The following NCKAP5 variants were observed in gnomAD, a reference collection of about 807,000 sequenced individuals.
NCKAP5 encodes NCK associated protein 5.
In NCKAP5, 92 loss-of-function variants were observed where a neutral mutation model predicts 167.0. The observed-to-expected ratio is 0.55, with a 90% CI of 0.47 to 0.66. The LOEUF (loss-of-function observed/expected upper bound fraction) is 0.66, where lower values mean the gene tolerates loss of function less well. Ranked by LOEUF, NCKAP5 falls within the 30% of genes least tolerant of loss-of-function variation. NCKAP5 has a pLI of 0.00. For missense variants in NCKAP5, 2,378 were observed against 2,315.0 expected (o/e 1.03, Z -0.56); for synonymous variants, 891 against 877.4 (o/e 1.02, Z -0.27).
intron 4 of NCKAP5, among the ~76,000 whole-genome samples, chr2:133,262,651 A>G (rs1002675046): frequency 1.3e-5 from 2 of 152,228 alleles, no homozygotes; most frequent in South Asian, 4.1e-4. Flanking sequence ...TCGGGGCAAC[A>G]GCCTTCAGGA....
chr2:133,593,373 A>T, the NCKAP5 span, among the ~76,000 whole-genome samples: 11 of 146,794 alleles, frequency 7.5e-5, no homozygotes, highest in South Asian at 2.2e-4. Context: ...TGACAAAATT[A>T]AAAAAAAAAA....
intron 3 of NCKAP5, among the ~76,000 whole-genome samples, chr2:133,422,258 G>T (rs1172733800): frequency 6.6e-6 from 1 of 152,238 alleles, no homozygotes; most frequent in Non-Finnish European, 1.5e-5. Flanking sequence ...CTTACTCCCA[G>T]CACAGGTTGC....
At chr2:132,844,392 C>T (rs557640366) in intron 11 of NCKAP5, among the ~76,000 whole-genome samples, 2 of 152,174 alleles carry the variant, frequency 1.3e-5, no homozygotes, top group South Asian at 4.2e-4. Context: ...ATCCTATTCC[C>T]TTCCTTAAAG....
chr2:133,453,800 TA>T (rs1691687652), intron 3 of NCKAP5, among the ~76,000 whole-genome samples: 1 of 152,088 alleles, frequency 6.6e-6, no homozygotes, highest in African/African-American at 2.4e-5. Flanking sequence ...TGGATATGTT[TA>T]TAATGAACAA....
At chr2:133,211,299 T>C (rs919570709) in intron 5 of NCKAP5, among the ~76,000 whole-genome samples, 2 of 152,136 alleles carry the variant, frequency 1.3e-5, no homozygotes, top group African/African-American at 4.8e-5. Flanking sequence ...AGTATGATCA[T>C]GGCTCACTGC....
chr2:133,538,888 A>G (rs1272037534), intron 2 of NCKAP5, among the ~76,000 whole-genome samples: 1 of 140,992 alleles, frequency 7.1e-6, no homozygotes, highest in Admixed American at 7.1e-5. Flanking sequence ...TTCATCTGAG[A>G]TGTACCTAGT....
At chr2:133,213,678 G>T in intron 5 of NCKAP5, 38 bp downstream of exon 5, 1 of 1,605,674 alleles carries the variant, frequency 6.2e-7, no homozygotes, top group Non-Finnish European at 8.5e-7. Context: ...AGAGACCTCT[G>T]GATGTTGTGG....
chr2:133,618,311 A>C, the NCKAP5 span, among the ~76,000 whole-genome samples: 34 of 149,832 alleles, frequency 2.3e-4, no homozygotes, highest in African/African-American at 7.3e-4. Flanking sequence ...AATGGGATCT[A>C]ATTAAACTAA....
At chr2:132,711,860 G>A (rs1487361839) in intron 19 of NCKAP5, among the ~76,000 whole-genome samples, 1 of 152,104 alleles carries the variant, frequency 6.6e-6, no homozygotes, top group Non-Finnish European at 1.5e-5. Context: ...ATTCCACTAG[G>A]GGGATGGTAG....
At chr2:132,889,668 G>A (rs1369511448) in intron 8 of NCKAP5, among the ~76,000 whole-genome samples, 1 of 152,086 alleles carries the variant, frequency 6.6e-6, no homozygotes, top group Non-Finnish European at 1.5e-5. Flanking sequence ...AAATAACACA[G>A]TTTTGAACAA....
At chr2:132,836,025 A>G (rs1687865940) in intron 11 of NCKAP5, among the ~76,000 whole-genome samples, 1 of 152,248 alleles carries the variant, frequency 6.6e-6, no homozygotes, top group Non-Finnish European at 1.5e-5. Context: ...CAACTGAGGT[A>G]TAGAAATATT....
At chr2:132,772,710 T>C (rs889146732) in intron 16 of NCKAP5, among the ~76,000 whole-genome samples, 1 of 152,236 alleles carries the variant, frequency 6.6e-6, no homozygotes, top group African/African-American at 2.4e-5. Flanking sequence ...CTCTTTCAGC[T>C]GTTTGTTAAG....
intron 5 of NCKAP5, among the ~76,000 whole-genome samples, chr2:133,132,061 G>T (rs994460951): frequency 6.6e-6 from 1 of 151,958 alleles, no homozygotes; most frequent in Admixed American, 6.6e-5. Context: ...AGGCTGACAC[G>T]GGTGGATCAC....
At chr2:133,213,241 T>C (rs535163990) in intron 5 of NCKAP5, among the ~76,000 whole-genome samples, 1 of 152,236 alleles carries the variant, frequency 6.6e-6, no homozygotes, top group South Asian at 2.1e-4. Context: ...GTTTTCCAAA[T>C]GGCACAAGCT....
intron 3 of NCKAP5, among the ~76,000 whole-genome samples, chr2:133,397,388 GATATA>G (rs545038677): frequency 7.0e-4 from 107 of 152,266 alleles, no homozygotes; most frequent in African/African-American, 2.0e-3. Context: ...GAAATATTTT[GATATA>G]ATATGTGAAA....
intron 3 of NCKAP5, among the ~76,000 whole-genome samples, chr2:133,493,709 A>G (rs1681676780): frequency 1.3e-5 from 2 of 152,232 alleles, no homozygotes; most frequent in African/African-American, 2.4e-5. Flanking sequence ...ACAATTAAAC[A>G]TGGTTCACTA....
intron 4 of NCKAP5, among the ~76,000 whole-genome samples, chr2:133,294,472 A>G (rs1422489284): frequency 6.6e-6 from 1 of 152,192 alleles, no homozygotes; most frequent in East Asian, 1.9e-4. Flanking sequence ...TTTTACAACT[A>G]CAAGATAATT....
At chr2:133,122,765 T>C (rs1392938241) in intron 6 of NCKAP5, 1 of 152,144 alleles carries the variant, frequency 6.6e-6, no homozygotes, top group East Asian at 1.9e-4. Context: ...AATAAGACAG[T>C]CTCCTCCAAG....
intron 8 of NCKAP5, among the ~76,000 whole-genome samples, chr2:132,932,204 C>T (rs1040886649): frequency 9.9e-5 from 15 of 152,102 alleles, no homozygotes; most frequent in African/African-American, 3.6e-4. Context: ...GACTTTACTG[C>T]CTATTTTTGT....
Sources: gnomAD v4.1 joint callset for allele counts (sites outside exome capture counted in the v4.1 genomes callset) on GRCh38, gnomAD v4.1.1 for gene constraint, MANE v1.5 for transcripts, NCBI Gene and HGNC (gene_info 2026-07-23, HGNC 2026-07-21) for gene names.